ROBO1: variants seen among roughly 807,000 people sequenced by gnomAD.
The protein encoded by ROBO1 is roundabout guidance receptor 1, also known as roundabout homolog 1.
A neutral mutation model predicts 195.9 loss-of-function variants in ROBO1; 149 were observed. That is an observed-to-expected ratio of 0.76 (90% CI 0.67 to 0.87). The LOEUF is 0.87. Ranked by LOEUF, ROBO1 falls within the 40% of genes least tolerant of loss-of-function variation. The probability of loss-of-function intolerance (pLI) is 0.00; values close to 1 mark genes in which losing one functional copy is unlikely to be tolerated. For missense variants in ROBO1, 1,933 were observed against 2,068.3 expected (o/e 0.93, Z 1.27); for synonymous variants, 816 against 733.2 (o/e 1.11, Z -1.82).
intron 2 of ROBO1, among the ~76,000 whole-genome samples, chr3:79,183,080 C>CAAAAAAAAAAAAA (rs1304597488): frequency 0.01 from 656 of 64,654 alleles, 40 homozygotes; most frequent in African/African-American, 0.029. Flanking sequence ...GACTCCAACT[C>CAAAAAAAAAAAAA]AAAAAAAAAA....
chr3:79,154,736 A>G (rs539401442), intron 2 of ROBO1, among the ~76,000 whole-genome samples: 4 of 151,954 alleles, frequency 2.6e-5, no homozygotes, highest in South Asian at 4.1e-4. Flanking sequence ...TTAAAATAAC[A>G]TACTACTTAT....
In ROBO1 at chr3:79,529,550, T is replaced by G. The variant is rs537396110; in HGVS notation, c.88+60274A>C. Among the ~76,000 whole-genome samples the G allele has an allele frequency of 6.6e-5, 10 of 152,260 alleles. No homozygotes were observed. In the East Asian group the frequency reaches 1.9e-3, roughly 29 times the overall value. On this transcript the variant is annotated intron_variant, in intron 2 of 30. Coordinates refer to ENST00000464233, the MANE Select transcript of ROBO1 (RefSeq NM_002941.4). The stretch of plus-strand genomic sequence containing the variant: ...TTTGATTAGGTTTTAAGTTATTAAG[T>G]AAAATAAGGGTTATTTGAGCACAAG...
At chr3:78,650,756 A>G (rs1486942520) in intron 19 of ROBO1, among the ~76,000 whole-genome samples, 1 of 152,198 alleles carries the variant, frequency 6.6e-6, no homozygotes, top group African/African-American at 2.4e-5. Flanking sequence ...CGACTGAAGG[A>G]TGGGCCCTAT....
intron 1 of ROBO1, among the ~76,000 whole-genome samples, chr3:79,700,246 G>A (rs1947574957): frequency 6.6e-6 from 1 of 150,816 alleles, no homozygotes; most frequent in African/African-American, 2.4e-5. Context: ...TAGCTAGGTT[G>A]ATTTCATGTC....
chr3:78,693,098 G>A, intron 8 of ROBO1: 1 of 416,158 alleles, frequency 2.4e-6, no homozygotes, highest in Admixed American at 4.1e-5. Context: ...AGAAATAAAA[G>A]GATGCAGATC....
chr3:79,406,416 G>A (rs192392396), intron 2 of ROBO1, among the ~76,000 whole-genome samples: 1 of 152,056 alleles, frequency 6.6e-6, no homozygotes, highest in East Asian at 1.9e-4. Flanking sequence ...GGGTGGCAGA[G>A]AGAGATTCTG....
chr3:78,703,165 A>G (rs952304695), intron 8 of ROBO1, among the ~76,000 whole-genome samples: 1 of 152,216 alleles, frequency 6.6e-6, no homozygotes, highest in African/African-American at 2.4e-5. Context: ...TAAGTACACA[A>G]GAAGTTCTTT....
chr3:78,811,582 GCA>G (rs894144775), intron 4 of ROBO1, among the ~76,000 whole-genome samples: 2 of 152,030 alleles, frequency 1.3e-5, no homozygotes, highest in African/African-American at 4.8e-5. Context: ...CGTTTGATGA[GCA>G]CCTTTATGAT....
chr3:79,281,891 A>T (rs1483118224), intron 2 of ROBO1, among the ~76,000 whole-genome samples: 1 of 152,226 alleles, frequency 6.6e-6, no homozygotes, highest in Non-Finnish European at 1.5e-5. Context: ...TTCTATGTGT[A>T]TGGCACTGTT....
chr3:78,847,075 C>T (rs1346990773), intron 4 of ROBO1, among the ~76,000 whole-genome samples: 1 of 152,022 alleles, frequency 6.6e-6, no homozygotes, highest in Non-Finnish European at 1.5e-5. Flanking sequence ...TTAAATAGAA[C>T]AGGGAAATCG....
At chr3:79,275,136 C>T (rs763571130) in intron 2 of ROBO1, among the ~76,000 whole-genome samples, 7 of 151,940 alleles carry the variant, frequency 4.6e-5, no homozygotes, top group Non-Finnish European at 7.4e-5. Context: ...TTCTACAAGG[C>T]CAGTATTACT....
chr3:79,511,141 A>G (rs1291498889), intron 2 of ROBO1, among the ~76,000 whole-genome samples: 1 of 152,194 alleles, frequency 6.6e-6, no homozygotes, highest in Non-Finnish European at 1.5e-5. Flanking sequence ...GTAAAAGAAG[A>G]GTATAATCAA....
chr3:79,511,976 G>GCT (rs2107544405), intron 2 of ROBO1, among the ~76,000 whole-genome samples: 1 of 152,152 alleles, frequency 6.6e-6, no homozygotes, highest in South Asian at 2.1e-4. Flanking sequence ...TGGATACTGG[G>GCT]CTTTATACCT....
At chr3:78,640,278 C>T (rs1332658839) in intron 21 of ROBO1, among the ~76,000 whole-genome samples, 1 of 152,094 alleles carries the variant, frequency 6.6e-6, no homozygotes, top group Non-Finnish European at 1.5e-5. Flanking sequence ...TTCATTTTGA[C>T]CCATTAAAAA....
At chr3:79,261,438 G>A (rs760357958) in intron 2 of ROBO1, among the ~76,000 whole-genome samples, 2 of 151,560 alleles carry the variant, frequency 1.3e-5, no homozygotes, top group African/African-American at 2.4e-5. Context: ...AATGAAAAAT[G>A]TTTTTCATTT....
At chr3:79,034,475 A>T (rs2078349064) in intron 3 of ROBO1, among the ~76,000 whole-genome samples, 1 of 152,170 alleles carries the variant, frequency 6.6e-6, no homozygotes, top group East Asian at 1.9e-4. Context: ...TATTAGAATT[A>T]TAAAGTGATC....
At chr3:79,164,116 C>T (rs1035743124) in intron 2 of ROBO1, among the ~76,000 whole-genome samples, 5 of 151,990 alleles carry the variant, frequency 3.3e-5, no homozygotes, top group Admixed American at 2.0e-4. Context: ...TAAAATGGTC[C>T]AAGGGTGGGG....
At chr3:79,558,188 C>T (rs1942781353) in intron 2 of ROBO1, among the ~76,000 whole-genome samples, 1 of 152,082 alleles carries the variant, frequency 6.6e-6, no homozygotes, top group East Asian at 1.9e-4. Flanking sequence ...GTGCCTGCCT[C>T]TCCTGCCTTC....
intron 3 of ROBO1, among the ~76,000 whole-genome samples, chr3:78,967,355 A>G (rs1222852592): frequency 7.7e-6 from 1 of 129,076 alleles, no homozygotes; most frequent in Admixed American, 9.8e-5. Context: ...AAGCTAAGCT[A>G]TTGTTTTATC....
Sources: allele counts gnomAD v4.1 joint callset (sites outside exome capture counted in the v4.1 genomes callset), GRCh38; gene constraint gnomAD v4.1.1; transcripts MANE v1.5; gene names NCBI Gene and HGNC (gene_info 2026-07-23, HGNC 2026-07-21).